Variants in L3HYPDH observed in about 807,000 individuals in gnomAD.
L3HYPDH encodes the protein trans-L-3-hydroxyproline dehydratase.
In L3HYPDH, 32 loss-of-function variants were observed where a neutral mutation model predicts 26.5. The observed-to-expected ratio is 1.21, with a 90% confidence interval of 0.91 to 1.62. The LOEUF (loss-of-function observed/expected upper bound fraction) is 1.62. L3HYPDH is among the 40% of genes most tolerant of loss of function. The probability of loss-of-function intolerance (pLI) is 0.00; values close to 1 mark genes in which losing one functional copy is unlikely to be tolerated. For missense variants in L3HYPDH, 554 were observed against 476.4 expected, an observed-to-expected ratio of 1.16 and a Z score of -1.52; for synonymous variants, 215 against 196.6, an observed-to-expected ratio of 1.09 and a Z score of -0.78.
At chr14:59,501,435 A>G in the L3HYPDH span, among the ~76,000 whole-genome samples, 2 of 152,198 alleles carry the variant, frequency 1.3e-5, no homozygotes, top group Non-Finnish European at 2.9e-5. Context: ...AAAGTTGTGT[A>G]CTGGACTATA....
downstream of L3HYPDH, among the ~76,000 whole-genome samples, chr14:59,470,967 G>GA (rs1555335914): frequency 1.4e-4 from 9 of 63,554 alleles, 1 homozygote; most frequent in African/African-American, 5.2e-4. Context: ...GGGGGGGGGG[G>GA]AGGGCAGGAG....
intron 2 of L3HYPDH, among the ~76,000 whole-genome samples, chr14:59,477,826 T>C (rs1027354988): frequency 5.3e-5 from 8 of 152,220 alleles, no homozygotes; most frequent in African/African-American, 1.9e-4. Flanking sequence ...TTAGACACTA[T>C]CTTACACAAG....
At chr14:59,481,600 G>A (rs1890028165) in intron 1 of L3HYPDH, among the ~76,000 whole-genome samples, 1 of 152,188 alleles carries the variant, frequency 6.6e-6, no homozygotes, top group African/African-American at 2.4e-5. Flanking sequence ...AAGATTTAGT[G>A]AGCACCTACT....
chr14:59,471,118 G>A (rs918283432), downstream of L3HYPDH, among the ~76,000 whole-genome samples: 3 of 152,076 alleles, frequency 2.0e-5, no homozygotes, highest in Non-Finnish European at 4.4e-5. Context: ...AGGAGGAGGA[G>A]TTGATTTCCC....
chr14:59,474,713 C>T (rs1161892760), intron 4 of L3HYPDH: 1 of 534,614 alleles, frequency 1.9e-6, no homozygotes. Context: ...ACGATAATAA[C>T]AGCACAGTAC....
At chr14:59,474,882 A>C (rs1310233649) in intron 4 of L3HYPDH, 1 of 177,852 alleles carries the variant, frequency 5.6e-6, no homozygotes, top group Non-Finnish European at 1.2e-5. Context: ...TTTGCATACA[A>C]CATAAATGGT....
the L3HYPDH span, among the ~76,000 whole-genome samples, chr14:59,494,365 C>A: frequency 2.6e-5 from 4 of 152,108 alleles, no homozygotes; most frequent in Non-Finnish European, 4.4e-5. Flanking sequence ...GGAATCCTAA[C>A]ACAATAGCGA....
upstream of L3HYPDH, among the ~76,000 whole-genome samples, chr14:59,486,276 A>G (rs1890562283): frequency 1.3e-5 from 2 of 152,232 alleles, no homozygotes; most frequent in South Asian, 4.1e-4. Flanking sequence ...TTCTGTTATG[A>G]ACATAGGTGA....
At chr14:59,466,588 A>G (rs1483141331) in intron 1 of L3HYPDH, among the ~76,000 whole-genome samples, 3 of 152,214 alleles carry the variant, frequency 2.0e-5, no homozygotes, top group Non-Finnish European at 4.4e-5. Flanking sequence ...AGTGATTCTG[A>G]TGCACAAATT....
At chr14:59,473,639 G>A (rs1594905375) in intron 4 of L3HYPDH, among the ~76,000 whole-genome samples, 1 of 152,184 alleles carries the variant, frequency 6.6e-6, no homozygotes, top group African/African-American at 2.4e-5. Context: ...ATTTAGAGAT[G>A]AGTATAATAA....
the L3HYPDH span, among the ~76,000 whole-genome samples, chr14:59,496,587 G>T: frequency 4.6e-5 from 7 of 152,074 alleles, no homozygotes; most frequent in Non-Finnish European, 7.4e-5. Flanking sequence ...TGGCAAACAG[G>T]TACTACCAAC....
At chr14:59,504,162 T>C in the L3HYPDH span, 2 of 733,692 alleles carry the variant, frequency 2.7e-6, no homozygotes, top group Non-Finnish European at 4.6e-6. Flanking sequence ...TATTCTATCA[T>C]ATATGGGAAC....
upstream of L3HYPDH, chr14:59,484,898 G>A (rs960645488): frequency 5.7e-6 from 8 of 1,394,310 alleles, no homozygotes; most frequent in African/African-American, 1.2e-4. Context: ...GGTTGACTTC[G>A]GAATTGAAAA....
chr14:59,474,849 T>C (rs911500992), intron 4 of L3HYPDH: 2 of 219,566 alleles, frequency 9.1e-6, no homozygotes, highest in Non-Finnish European at 1.8e-5. Flanking sequence ...ATTTCAGATT[T>C]TGAAGACAGT....
At chr14:59,499,015 CTTTTTTTTTTTTTT>C in the L3HYPDH span, 65 of 127,272 alleles carry the variant, frequency 5.1e-4, 1 homozygote, top group East Asian at 8.0e-3. Flanking sequence ...TTGTTTAATC[CTTTTTTTTTTTTTT>C]TTTTTTTTTT....
upstream of L3HYPDH, chr14:59,485,122 T>C: frequency 6.3e-7 from 1 of 1,598,342 alleles, no homozygotes; most frequent in Non-Finnish European, 8.5e-7. Context: ...GCTTAGTAAG[T>C]GATAGGCTGT....
At chr14:59,483,707 A>G (rs1394337063) in intron 1 of L3HYPDH, 102 bp downstream of exon 1, 56 of 1,505,738 alleles carry the variant, frequency 3.7e-5, no homozygotes, top group Non-Finnish European at 4.8e-5. Context: ...GGTTTCGCGG[A>G]GTAGGTTAGT....
At chr14:59,476,892 T>A (rs1181887829) in intron 2 of L3HYPDH, among the ~76,000 whole-genome samples, 1 of 152,220 alleles carries the variant, frequency 6.6e-6, no homozygotes, top group East Asian at 1.9e-4. Flanking sequence ...CTACTTGTTC[T>A]TGGAAGTCTA....
intron 4 of L3HYPDH, chr14:59,474,381 A>G: frequency 3.3e-6 from 2 of 607,948 alleles, no homozygotes; most frequent in Non-Finnish European, 5.8e-6. Context: ...ACAGTTGTTC[A>G]GCTGCTTCCC....
Sources: gnomAD v4.1 joint callset for allele counts (sites outside exome capture counted in the v4.1 genomes callset) on GRCh38, gnomAD v4.1.1 for gene constraint, MANE v1.5 for transcripts, NCBI Gene and HGNC (gene_info 2026-07-23, HGNC 2026-07-21) for gene names.